ABCC9: variants seen among roughly 807,000 people sequenced by gnomAD.
ABCC9 encodes the protein ATP-binding cassette sub-family C member 9.
In ABCC9, 95 loss-of-function variants were observed where a neutral mutation model predicts 188.3. The ratio of observed to expected loss-of-function variants is 0.50; its 90% confidence interval spans 0.43 to 0.60. The LOEUF (loss-of-function observed/expected upper bound fraction) is 0.60. Among genes scored for constraint, ABCC9 ranks in the 20% least tolerant of loss-of-function variants. The probability of loss-of-function intolerance (pLI) is 0.00; values close to 1 mark genes in which losing one functional copy is unlikely to be tolerated. For missense variants in ABCC9, 1,102 were observed against 1,876.3 expected (o/e 0.59, Z 7.62); for synonymous variants, 659 against 652.7 (o/e 1.01, Z -0.15).
At chr12:21,933,977 G>A in intron 3 of ABCC9, 54 bp from the exon 4 acceptor site, 5 of 1,597,124 alleles carry the variant, frequency 3.1e-6, no homozygotes, top group Non-Finnish European at 4.3e-6. Flanking sequence ...AGGCTCAATT[G>A]TAATAAACAT....
rs1944783532 is a variant in ABCC9, at chr12:21,848,205, G to A, written c.2811C>T (p.Leu937=). The part of the protein sequence containing the change: ...ADQTTLERKT[L]RRAMYSREAK... ...CTTCTCTTGAATACATGGCCCGTCG[G>A]AGAGTTTTCCTCTCTAAAGTAGTTT... Residue 937 remains leucine (L), a synonymous_variant, in exon 25 of 40, where the codon CTC becomes CTT. Transcript: ENST00000261200. 1 of 1,613,514 alleles carries A rather than the reference G, an allele frequency of 6.2e-7. No individual in the cohort carries two copies. The highest frequency in any genetic ancestry group is 1.1e-5 in the South Asian group (1 of 91,088).
In ABCC9 at chr12:21,910,265, G is replaced by A. The variant is rs376726505; in HGVS notation, c.1212C>T (p.Ser404=). The change falls in exon 10 of 40, where the codon TCC becomes TCT. Residue 404 remains serine (S), a synonymous_variant. Transcript: ENST00000261200. The part of the protein sequence containing the change: ...KILRLSTSNL[S]MGEMTLGQIN... ...TCTGCCCCAGAGTCATCTCCCCCAT[G>A]GATAAGTTAGACGTAGAGAGCCTAA... 3.0e-5 allele frequency: 49 copies of A among 1,609,976 alleles called. No homozygotes were observed. The highest frequency in any genetic ancestry group is 3.3e-4 in the Middle Eastern group (2 of 6,050).
chr12:21,853,228 C>T (rs573838229), intron 22 of ABCC9, among the ~76,000 whole-genome samples: 5 of 152,098 alleles, frequency 3.3e-5, no homozygotes, highest in South Asian at 4.2e-4. Context: ...ACCGGAGAAT[C>T]GCCTGAACCC....
chr12:21,898,501 A>G (rs986218854), intron 12 of ABCC9, among the ~76,000 whole-genome samples: 1 of 152,226 alleles, frequency 6.6e-6, no homozygotes, highest in Non-Finnish European at 1.5e-5. Context: ...CTAATGTATC[A>G]AGCATTAGGG....
chr12:21,841,343 TTTCC>T (rs1183429077), intron 29 of ABCC9, among the ~76,000 whole-genome samples: 2,091 of 28,646 alleles, frequency 0.073, 244 homozygotes, highest in Non-Finnish European at 0.099. Context: ...ATGTTTCTGG[TTTCC>T]TTTTTTTTTT....
rs140880342 is a variant in ABCC9, at chr12:21,825,732, C to T, written c.3669+3226G>A. On this transcript the variant is annotated intron_variant, in intron 31 of 39. Coordinates refer to ENST00000261200, the MANE Select transcript of ABCC9 (RefSeq NM_020297.4). ...GGGTGCAGCAAACCACCATGGCATG[C>T]GTATACCTATGTTACAAACATGCAT... 7.3e-3 allele frequency among the ~76,000 whole-genome samples: 1,111 copies of T among 151,962 alleles called. 14 individuals carry two copies. The highest frequency in any genetic ancestry group is 0.023 in the African/African-American group (968 of 41,430).
chr12:21,803,422 G>A (rs1591921195), intron 39 of ABCC9, among the ~76,000 whole-genome samples: 1 of 151,820 alleles, frequency 6.6e-6, no homozygotes, highest in Non-Finnish European at 1.5e-5. Context: ...CTTTGGGAGG[G>A]CGAGGCGGGC....
At chr12:21,819,252 C>G (rs746762707) in intron 31 of ABCC9, among the ~76,000 whole-genome samples, 5 of 152,126 alleles carry the variant, frequency 3.3e-5, no homozygotes, top group African/African-American at 4.8e-5. Context: ...TGCTCACTTT[C>G]TAGAATTATC....
intron 12 of ABCC9, among the ~76,000 whole-genome samples, chr12:21,901,446 A>T (rs10770863): frequency 0.61 from 93,235 of 151,792 alleles, 28,879 homozygotes; most frequent in East Asian, 0.8. Flanking sequence ...TCAAATTTAC[A>T]CATAACAATA....
At chr12:21,903,772 A>C (rs1016687921) in intron 12 of ABCC9, among the ~76,000 whole-genome samples, 2 of 152,238 alleles carry the variant, frequency 1.3e-5, no homozygotes, top group Non-Finnish European at 2.9e-5. Flanking sequence ...TGCTCAATGA[A>C]ATAAAAGAGG....
intron 31 of ABCC9, among the ~76,000 whole-genome samples, chr12:21,822,917 G>A (rs982605012): frequency 3.3e-5 from 5 of 151,822 alleles, no homozygotes; most frequent in Admixed American, 1.3e-4. Flanking sequence ...TTGCAAATAC[G>A]TGAGAAGCAA....
chr12:21,887,962 GA>G, intron 14 of ABCC9, 28 bp from the exon 15 acceptor site: 3 of 1,539,378 alleles, frequency 1.9e-6, no homozygotes, highest in Non-Finnish European at 2.7e-6. Context: ...CACAGAATAA[GA>G]GTTAACAATA....
intron 29 of ABCC9, among the ~76,000 whole-genome samples, chr12:21,841,614 C>A (rs1476933538): frequency 1.3e-5 from 2 of 152,014 alleles, no homozygotes; most frequent in Non-Finnish European, 2.9e-5. Flanking sequence ...GCCTCAGACC[C>A]CCAAAGTGCT....
At chr12:21,930,771 T>C (rs2138039133) in intron 4 of ABCC9, among the ~76,000 whole-genome samples, 1 of 152,244 alleles carries the variant, frequency 6.6e-6, no homozygotes. Flanking sequence ...TAGAATATCA[T>C]TCAGCACTAA....
chr12:21,902,667 C>T (rs1431143437), intron 12 of ABCC9, among the ~76,000 whole-genome samples: 3 of 152,216 alleles, frequency 2.0e-5, no homozygotes, highest in African/African-American at 7.2e-5. Flanking sequence ...ATAAACACCT[C>T]TATGCAAATA....
intron 24 of ABCC9, among the ~76,000 whole-genome samples, chr12:21,849,034 G>T (rs1422420871): frequency 6.6e-6 from 1 of 152,082 alleles, no homozygotes; most frequent in Non-Finnish European, 1.5e-5. Flanking sequence ...CAGTTACATT[G>T]TGGGTTAAAT....
intron 24 of ABCC9, among the ~76,000 whole-genome samples, chr12:21,850,250 G>A (rs1470113863): frequency 6.6e-6 from 1 of 151,750 alleles, no homozygotes; most frequent in African/African-American, 2.4e-5. Flanking sequence ...GGCCCAGGTT[G>A]ATAGGAAACA....
chr12:21,848,913 CT>C (rs1366766695), intron 24 of ABCC9, among the ~76,000 whole-genome samples: 4 of 152,128 alleles, frequency 2.6e-5, no homozygotes, highest in African/African-American at 9.7e-5. Context: ...TTAAGAATTG[CT>C]GTGAACTTTA....
At chr12:21,874,853 T>A (rs1401450080) in intron 17 of ABCC9, among the ~76,000 whole-genome samples, 1 of 151,986 alleles carries the variant, frequency 6.6e-6, no homozygotes, top group Non-Finnish European at 1.5e-5. Flanking sequence ...TTTAGACACT[T>A]CTTCTCACAG....
Sources: gnomAD v4.1 joint callset for allele counts (sites outside exome capture counted in the v4.1 genomes callset) on GRCh38, gnomAD v4.1.1 for gene constraint, MANE v1.5 for transcripts, NCBI Gene and HGNC (gene_info 2026-07-23, HGNC 2026-07-21) for gene names.